CALN1: variants seen among roughly 807,000 people sequenced by gnomAD.
CALN1 encodes calcium-binding protein 8.
CALN1 carries 17 observed loss-of-function variants against 30.6 expected under a neutral mutation model. The observed-to-expected ratio is 0.56, with a 90% confidence interval of 0.38 to 0.83. CALN1 has a LOEUF of 0.83. Ranked by LOEUF, CALN1 falls within the 40% of genes least tolerant of loss-of-function variation. CALN1 has a pLI of 0.00. For synonymous variants in CALN1, 156 were observed against 131.4 expected (o/e 1.19, Z -1.28); for missense variants, 291 against 354.9 (o/e 0.82, Z 1.45).
At chr7:72,019,416 C>T (rs111930590) in intron 5 of CALN1, among the ~76,000 whole-genome samples, 2 of 152,320 alleles carry the variant, frequency 1.3e-5, no homozygotes, top group African/African-American at 4.8e-5. Context: ...CTCTCCCACA[C>T]TTAATAGGGA....
chr7:72,502,236 G>A, the CALN1 span, among the ~76,000 whole-genome samples: 30 of 149,498 alleles, frequency 2.0e-4, no homozygotes, highest in Admixed American at 8.0e-4. Flanking sequence ...CTTGTGGGGC[G>A]GGGAGGAATT....
At chr7:72,362,118 A>G (rs1803609994) in intron 2 of CALN1, among the ~76,000 whole-genome samples, 1 of 152,208 alleles carries the variant, frequency 6.6e-6, no homozygotes, top group Admixed American at 6.5e-5. Context: ...AGAATACAGT[A>G]TATGACAGTT....
rs34736851 is a variant in CALN1, at chr7:71,993,455, CTTT to C, written c.501+30199_501+30201del. 4.5e-5 allele frequency among the ~76,000 whole-genome samples: 6 copies of C among 133,840 alleles called. No individual in the cohort carries two copies. In the South Asian group the frequency reaches 1.2e-3, roughly 28 times the overall value. 87.8% of individuals were successfully genotyped at this position (133,840 alleles called of 152,430 possible). On this transcript the variant is annotated intron_variant, in intron 5 of 6. Coordinates refer to ENST00000395275, the MANE Select transcript of CALN1 (RefSeq NM_031468.4). ...CACCCCAGCCTGGGCAACAATGAGGCTTTTTTTTTTTTTTTGTCTGTCATGGAG... is the reference window on the plus strand; with the variant it reads ...CACCCCAGCCTGGGCAACAATGAGGCTTTTTTTTTTTTGTCTGTCATGGAG...
At chr7:72,419,585 C>T (rs1807543296) in intron 1 of CALN1, among the ~76,000 whole-genome samples, 1 of 152,160 alleles carries the variant, frequency 6.6e-6, no homozygotes. Context: ...AATGGCTGGG[C>T]TCCTGACTAA....
At chr7:72,194,529 CAAACAA>C (rs1005103317) in intron 3 of CALN1, among the ~76,000 whole-genome samples, 6 of 150,034 alleles carry the variant, frequency 4.0e-5, no homozygotes, top group African/African-American at 1.5e-4. Context: ...GACCCTGTCT[CAAACAA>C]AAACAAAAAC....
chr7:71,887,231 C>G (rs746368546), intron 5 of CALN1, among the ~76,000 whole-genome samples: 56 of 152,120 alleles, frequency 3.7e-4, no homozygotes, highest in Non-Finnish European at 7.1e-4. Context: ...AGTGTTTGGG[C>G]TTGATCTGTA....
Position 72,186,141 on chromosome 7 carries a change from A to G in CALN1, c.245-79847T>C, listed in dbSNP as rs367884624. ...GCTGGTCACCTCCAAAAGCAGGAAA[A>G]GGCAAGGAAAGGATTCTCCACTAGA... is the stretch of plus-strand genomic sequence containing the variant. On this transcript the variant is annotated intron_variant, in intron 3 of 6. Transcript: ENST00000395275. 5.3e-5 allele frequency among the ~76,000 whole-genome samples: 8 copies of G among 152,270 alleles called. No individual in the cohort carries two copies. In the South Asian group the frequency reaches 1.5e-3, roughly 28 times the overall value.
At chr7:71,818,008 A>C (rs555231703) in intron 5 of CALN1, among the ~76,000 whole-genome samples, 4 of 152,280 alleles carry the variant, frequency 2.6e-5, no homozygotes, top group South Asian at 4.1e-4. Flanking sequence ...TAGTGCAAAA[A>C]GATTTATATA....
intron 2 of CALN1, among the ~76,000 whole-genome samples, chr7:72,332,661 T>C (rs536602785): frequency 6.6e-6 from 1 of 152,202 alleles, no homozygotes; most frequent in Non-Finnish European, 1.5e-5. Flanking sequence ...GAGTATTCCA[T>C]GCCTGGTTCT....
rs1456346020 is a variant in CALN1 at position 72,203,987 on chromosome 7, T to A, written c.244+74699A>T. On this transcript the variant is annotated intron_variant, in intron 3 of 6. Coordinates refer to ENST00000395275, the MANE Select transcript of CALN1 (RefSeq NM_031468.4). Reference sequence around the variant, plus strand: ...ATATAAGAGGCCTCTCTCTTTTTTTTTTTTTTTTTTTTTTTTTTTTTTGAG... The same window carrying A: ...ATATAAGAGGCCTCTCTCTTTTTTTATTTTTTTTTTTTTTTTTTTTTTGAG... Among the ~76,000 whole-genome samples, 30 of 66,968 alleles carry A rather than the reference T, an allele frequency of 4.5e-4. No individual in the cohort carries two copies. In the South Asian group the frequency reaches 0.012, roughly 26 times the overall value. The allele number at this position is 66,968 out of a possible 152,430, so 43.9% of individuals were successfully genotyped here.
At chr7:71,978,266 T>A (rs1295150389) in intron 5 of CALN1, among the ~76,000 whole-genome samples, 1 of 111,240 alleles carries the variant, frequency 9.0e-6, no homozygotes, top group East Asian at 2.5e-4. Flanking sequence ...AGAATTCTTT[T>A]TTTTTTTTTT....
intron 5 of CALN1, among the ~76,000 whole-genome samples, chr7:72,012,817 A>G (rs1384242608): frequency 6.6e-6 from 1 of 152,086 alleles, no homozygotes; most frequent in African/African-American, 2.4e-5. Flanking sequence ...TGATTTTGAG[A>G]CAGAGTCCCC....
intron 4 of CALN1, among the ~76,000 whole-genome samples, chr7:72,102,720 A>G (rs1057046439): frequency 2.0e-5 from 3 of 152,172 alleles, no homozygotes; most frequent in African/African-American, 7.2e-5. Context: ...GAGACAGAAA[A>G]TAGAGAAGTG....
intron 3 of CALN1, among the ~76,000 whole-genome samples, chr7:72,181,486 CTT>C (rs770286700): frequency 6.4e-5 from 6 of 94,208 alleles, no homozygotes; most frequent in Non-Finnish European, 7.2e-5. Context: ...ATTTCCATAA[CTT>C]TTTTTTTTTT....
At chr7:72,242,865 G>A (rs575727820) in intron 3 of CALN1, among the ~76,000 whole-genome samples, 2 of 152,132 alleles carry the variant, frequency 1.3e-5, no homozygotes, top group African/African-American at 2.4e-5. Context: ...TTCAGCCTGG[G>A]TGACAGAGCA....
the CALN1 span, among the ~76,000 whole-genome samples, chr7:72,469,562 C>T: frequency 2.0e-5 from 3 of 151,980 alleles, no homozygotes; most frequent in Non-Finnish European, 4.4e-5. Context: ...ACGTCCAGCT[C>T]ATTGTTTTGT....
chr7:72,415,372 G>A (rs990721029), upstream of CALN1, among the ~76,000 whole-genome samples: 13 of 152,212 alleles, frequency 8.5e-5, no homozygotes, highest in Non-Finnish European at 1.6e-4. Flanking sequence ...CATGCCAAGA[G>A]GCAAAGACCA....
chr7:71,985,035 C>T (rs1732036205), intron 5 of CALN1, among the ~76,000 whole-genome samples: 1 of 152,056 alleles, frequency 6.6e-6, no homozygotes, highest in African/African-American at 2.4e-5. Flanking sequence ...CTTGCTACTG[C>T]CCAGGAGCAC....
chr7:72,311,761 T>G (rs1032414340), intron 2 of CALN1, among the ~76,000 whole-genome samples: 32 of 144,152 alleles, frequency 2.2e-4, no homozygotes, highest in Non-Finnish European at 4.5e-4. Context: ...CCTCCCAAAC[T>G]GCTGAGATTA....
Sources: allele counts gnomAD v4.1 joint callset (sites outside exome capture counted in the v4.1 genomes callset), GRCh38; gene constraint gnomAD v4.1.1; transcripts MANE v1.5; gene names NCBI Gene and HGNC (gene_info 2026-07-23, HGNC 2026-07-21).